LINGO1: variants seen among roughly 807,000 people sequenced by gnomAD.
LINGO1 encodes the protein leucine-rich repeat and immunoglobulin-like domain-containing nogo receptor-interacting protein 1.
In LINGO1, 11 loss-of-function variants were observed where a neutral mutation model predicts 37.3. The observed-to-expected ratio is 0.29, with a 90% CI of 0.19 to 0.49. The LOEUF (loss-of-function observed/expected upper bound fraction) is 0.49, where lower values mean the gene tolerates loss of function less well. Among genes scored for constraint, LINGO1 ranks in the 20% least tolerant of loss-of-function variants. The pLI is 0.99. For synonymous variants in LINGO1, 387 were observed against 403.0 expected (o/e 0.96, Z 0.48); for missense variants, 585 against 878.2 (o/e 0.67, Z 4.22).
intron 1 of LINGO1, among the ~76,000 whole-genome samples, chr15:77,755,594 T>G (rs2141373381): frequency 6.6e-6 from 1 of 152,262 alleles, no homozygotes; most frequent in South Asian, 2.1e-4. Flanking sequence ...TGTAGGGGCT[T>G]AGGAAATAGA....
intron 1 of LINGO1, among the ~76,000 whole-genome samples, chr15:77,624,043 G>T (rs1016965136): frequency 6.8e-6 from 1 of 148,114 alleles, no homozygotes; most frequent in Non-Finnish European, 1.5e-5. Flanking sequence ...TGTGAGTGTG[G>T]TGTGTGTGTG....
At chr15:77,808,196 C>T (rs554909931) in intron 1 of LINGO1, among the ~76,000 whole-genome samples, 6 of 152,290 alleles carry the variant, frequency 3.9e-5, no homozygotes, top group South Asian at 2.1e-4. Context: ...AGAGAACATC[C>T]ACCACTGCAG....
At chr15:77,670,115 T>C (rs575115882) in intron 3 of LINGO1, among the ~76,000 whole-genome samples, 35 of 152,308 alleles carry the variant, frequency 2.3e-4, no homozygotes, top group African/African-American at 6.5e-4. Flanking sequence ...ACATATTGTA[T>C]GATTCCATTT....
upstream of LINGO1, among the ~76,000 whole-genome samples, chr15:77,637,455 C>A (rs2074417871): frequency 6.6e-6 from 1 of 152,204 alleles, no homozygotes; most frequent in Non-Finnish European, 1.5e-5. This position sits in a 1 kb window ranked among gnomAD's most constrained non-coding sequence, Gnocchi z 4.6. Flanking sequence ...CAAAAACCTG[C>A]TGAGAACCTC....
At position 77,734,772 on chromosome 15, in the gene LINGO1, C is replaced by T. The variant is rs746858386; in HGVS notation, c.-195+220G>A. On this transcript the variant is annotated intron_variant, in intron 2 of 3. Transcript: ENST00000561686. ...CCTGACCCATCAGACCAGGGAGCTG[C>T]CTTCCTCCTTTTTCCTAAAAGCTGA... 2.0e-3 allele frequency among the ~76,000 whole-genome samples: 298 copies of T among 152,260 alleles called. 1 individual carries two copies. The highest frequency in any genetic ancestry group is 3.6e-3 in the Non-Finnish European group (243 of 68,008).
At chr15:77,665,929 C>T (rs573377903) in intron 3 of LINGO1, among the ~76,000 whole-genome samples, 4 of 152,356 alleles carry the variant, frequency 2.6e-5, no homozygotes, top group African/African-American at 9.6e-5. Flanking sequence ...CACCCCCACA[C>T]GGTGCTCTGG....
At chr15:77,620,483 G>C (rs1388785837) in intron 1 of LINGO1, among the ~76,000 whole-genome samples, 3 of 152,328 alleles carry the variant, frequency 2.0e-5, no homozygotes, top group Middle Eastern at 3.4e-3. Flanking sequence ...TTCATGTCCC[G>C]GGGCAGATAC....
intron 3 of LINGO1, among the ~76,000 whole-genome samples, chr15:77,646,923 C>T (rs747211172): frequency 2.0e-5 from 3 of 152,160 alleles, no homozygotes; most frequent in African/African-American, 2.4e-5. Flanking sequence ...CTCTCAATGG[C>T]CCTATGAGGA....
Position 77,614,766 on chromosome 15 carries a change from A to T in LINGO1, c.1141T>A (p.Phe381Ile), listed in dbSNP as rs1272085535. The T allele has an allele frequency of 6.2e-7, 1 of 1,608,528 alleles. No individual in the cohort carries two copies. Among genetic ancestry groups the T allele is most frequent in the African/African-American group, 1.3e-5 (1 of 74,878 alleles). ...AAGTTGAGCCGCCAGCGGCGCCGGA[A>T]CACCCACAGGAGCCGACAGTCGCAG... Reference protein sequence around the residue: ...LACDCRLLWVFRRRWRLNFNR... With the variant: ...LACDCRLLWVIRRRWRLNFNR... Residue 381 changes from phenylalanine (F) to isoleucine (I), a missense_variant, in exon 2 of 2, where the codon TTC (phenylalanine) becomes ATC (isoleucine). Phe to Ile is a conservative substitution (Grantham distance 21). This residue lies in a region of LINGO1 where 484 missense variants were observed against 735.0 expected (regional missense o/e 0.66). Transcript: ENST00000355300.
chr15:77,686,877 C>T (rs1193263709), intron 2 of LINGO1, among the ~76,000 whole-genome samples: 1 of 152,200 alleles, frequency 6.6e-6, no homozygotes, highest in Non-Finnish European at 1.5e-5. Flanking sequence ...TTTGCTTGTG[C>T]CCCCACTAGC....
intron 1 of LINGO1, among the ~76,000 whole-genome samples, chr15:77,810,355 C>T (rs928130869): frequency 6.6e-6 from 1 of 152,000 alleles, no homozygotes. Flanking sequence ...TGCACACACA[C>T]ACACACAGAG....
intron 3 of LINGO1, among the ~76,000 whole-genome samples, chr15:77,672,516 G>A (rs2075268240): frequency 6.6e-6 from 1 of 152,088 alleles, no homozygotes; most frequent in Non-Finnish European, 1.5e-5. Context: ...GGTGTCAGGG[G>A]GCGCTCTGTG....
chr15:77,673,704 A>G (rs958608836), intron 3 of LINGO1, among the ~76,000 whole-genome samples: 9 of 152,036 alleles, frequency 5.9e-5, no homozygotes, highest in Non-Finnish European at 1.0e-4. Flanking sequence ...GGCTTTAAAT[A>G]CTATCTTTAT....
At chr15:77,699,217 T>C (rs372238341), upstream of LINGO1, among the ~76,000 whole-genome samples, 34 of 150,696 alleles carry the variant, frequency 2.3e-4, 3 homozygotes, top group Admixed American at 1.6e-3. Context: ...CTCTCTTCAT[T>C]AGCAAACTGG....
At chr15:77,616,942 C>T (rs2073746028) in intron 1 of LINGO1, among the ~76,000 whole-genome samples, 1 of 152,190 alleles carries the variant, frequency 6.6e-6, no homozygotes, top group Non-Finnish European at 1.5e-5. Context: ...TCAGGGCTCC[C>T]ACCACCTTCT....
chr15:77,664,225 G>GA (rs2075078413), intron 3 of LINGO1, among the ~76,000 whole-genome samples: 1 of 151,976 alleles, frequency 6.6e-6, no homozygotes, highest in Non-Finnish European at 1.5e-5. Flanking sequence ...GGTGGAAAGG[G>GA]AGGAGGCTTG....
intron 2 of LINGO1, among the ~76,000 whole-genome samples, chr15:77,682,277 A>AGTGTGTGT (rs10581838): frequency 0.011 from 1,585 of 139,894 alleles, 34 homozygotes; most frequent in African/African-American, 0.039. Flanking sequence ...TAGAGATTAA[A>AGTGTGTGT]GTGTGTGTGT....
intron 1 of LINGO1, among the ~76,000 whole-genome samples, chr15:77,695,237 G>A (rs919832443): frequency 2.6e-5 from 4 of 152,146 alleles, no homozygotes; most frequent in East Asian, 1.9e-4. Flanking sequence ...CTGCTGCCTC[G>A]TGGAAGTGCC....
At chr15:77,743,506 A>C (rs1025876028) in intron 1 of LINGO1, among the ~76,000 whole-genome samples, 2 of 152,194 alleles carry the variant, frequency 1.3e-5, no homozygotes, top group Non-Finnish European at 2.9e-5. Flanking sequence ...AAAGACCCCC[A>C]GTCTAAAGAG....
Sources: gnomAD v4.1 joint callset for allele counts (sites outside exome capture counted in the v4.1 genomes callset) on GRCh38, gnomAD v4.1.1 for gene constraint, gnomAD v4.1.1 regional missense constraint, Gnocchi (gnomAD v3.1) non-coding constraint, MANE v1.5 for transcripts, NCBI Gene and HGNC (gene_info 2026-07-23, HGNC 2026-07-21) for gene names.